The following CDH24 variants were observed in gnomAD, a reference collection of about 807,000 sequenced individuals.
The protein encoded by CDH24 is cadherin-24.
CDH24 carries 61 observed loss-of-function variants against 71.2 expected under a neutral mutation model. The ratio of observed to expected loss-of-function variants is 0.86; its 90% CI spans 0.70 to 1.06. CDH24 has a LOEUF of 1.06. CDH24 is among the 50% of genes least tolerant of loss of function. The pLI, the probability that CDH24 is intolerant of heterozygous loss-of-function variation, is 0.00. For missense variants in CDH24, 961 were observed against 1,083.7 expected (o/e 0.89, Z 1.59); for synonymous variants, 440 against 470.2 (o/e 0.94, Z 0.83).
At chr14:23,053,357 C>G (rs1254489345) in intron 7 of CDH24, 139 bp downstream of exon 7, 1 of 1,075,794 alleles carries the variant, frequency 9.3e-7, no homozygotes, top group Non-Finnish European at 1.3e-6. Flanking sequence ...GGCCTGCAGA[C>G]CAGCAAGCCC....
In CDH24 at chr14:23,048,306, G is replaced by C. The variant is rs754425708; in HGVS notation, c.2020C>G (p.Pro674Ala). 3 of 1,600,774 alleles carry C rather than the reference G, an allele frequency of 1.9e-6. No homozygotes were observed. The highest frequency in any genetic ancestry group is 1.7e-5 in the Admixed American group (1 of 59,154). The change falls in exon 12 of 13, where the codon CCG becomes GCG. Residue 674 changes from proline (P) to alanine (A), a missense_variant. Transcript: ENST00000487137. The stretch of plus-strand genomic sequence containing the variant: ...CGGCGCGCGGGAGGGCCGGGCGCCG[G>C]GGGGGCCGCCCCGTCCGGGTTCTGC... ...ALQNPDGAAP[P>A]APGPPARRDV...
chr14:23,048,736 G>T (rs2047061870), intron 11 of CDH24, among the ~76,000 whole-genome samples: 1 of 152,186 alleles, frequency 6.6e-6, no homozygotes, highest in Non-Finnish European at 1.5e-5. Flanking sequence ...TACTTCTAAG[G>T]GTTGTTGACA....
At position 23,049,172 on chromosome 14, in the gene CDH24, G is replaced by T; in HGVS notation, c.1701C>A (p.Ser567Arg). The T allele has an allele frequency of 6.3e-7, 1 of 1,581,472 alleles. No individual in the cohort carries two copies. The highest frequency in any genetic ancestry group is 8.6e-7 in the Non-Finnish European group (1 of 1,163,612). The change falls in exon 11 of 13, where the codon AGC becomes AGA. Residue 567 changes from serine to arginine, a missense_variant. Transcript: ENST00000487137. Reference protein sequence around the residue: ...ELWDWGQPALSSTATVTVSVC... With the variant: ...ELWDWGQPALRSTATVTVSVC... ...CACTAACAGTCACTGTGGCAGTGCT[G>T]CTCAGCGCCGGCTGCCCCCAGTCCC...
At position 23,047,973 on chromosome 14, in the gene CDH24, C is replaced by G; in HGVS notation, c.*7G>C. ...CCCCCCGCGGTGGGCCGGGCCAGCCCGGGCGCTCAGGGGGCCGGGGGCTCC... is the reference window on the plus strand; with the variant it reads ...CCCCCCGCGGTGGGCCGGGCCAGCCGGGGCGCTCAGGGGGCCGGGGGCTCC... On this transcript the variant is annotated 3_prime_UTR_variant, in exon 12 of 13. Coordinates refer to ENST00000487137, the MANE Select transcript of CDH24 (RefSeq NM_144985.4). 7.5e-7 allele frequency: 1 copy of G among 1,329,396 alleles called. No homozygotes were observed. 82.4% of individuals were successfully genotyped at this position (1,329,396 alleles called of 1,614,324 possible).
At chr14:23,052,696 C>T in intron 7 of CDH24, 87 bp from the exon 8 acceptor site, 1 of 1,369,696 alleles carries the variant, frequency 7.3e-7, no homozygotes, top group East Asian at 2.3e-5. Context: ...CCTCTGTTCA[C>T]CTTGTCAGAC....
chr14:23,054,372 G>A lies in CDH24; in HGVS notation c.785-44C>T. 6.5e-7 allele frequency: 1 copy of A among 1,545,620 alleles called. No individual in the cohort carries two copies. Among genetic ancestry groups the A allele is most frequent in the Non-Finnish European group, 8.7e-7 (1 of 1,143,668 alleles). On this transcript the variant is annotated intron_variant, in intron 5 of 12. Coordinates refer to ENST00000487137, the MANE Select transcript of CDH24 (RefSeq NM_144985.4). The surrounding 1 kb of genome is among the most constrained non-coding windows in gnomAD (Gnocchi z 5.2). ...AGACACCTTCTCAGAGAGGTCCCCA[G>A]CCCTCCTCCCTCCCCACAGCACTTT...
In CDH24 at chr14:23,055,517, G is replaced by C; in HGVS notation, c.201+16C>G. ...GGGCTTGGTGTCAGAGTAGACATGG[G>C]AGGGGTCATCCTTACCTTGCCAATG... is the stretch of plus-strand genomic sequence containing the variant. On this transcript the variant is annotated intron_variant, in intron 2 of 12. Transcript: ENST00000487137. The surrounding 1 kb of genome is among the most constrained non-coding windows in gnomAD (Gnocchi z 4.1). 1 of 1,612,616 alleles carries C rather than the reference G, an allele frequency of 6.2e-7. No individual in the cohort carries two copies.
rs1354217879 is a variant in CDH24 at position 23,051,747 on chromosome 14, G to A, written c.1363+726C>T. Among the ~76,000 whole-genome samples the A allele has an allele frequency of 6.6e-6, 1 of 152,198 alleles. No homozygotes were observed. The highest frequency in any genetic ancestry group is 1.9e-4 in the East Asian group (1 of 5,194). On this transcript the variant is annotated intron_variant, in intron 8 of 12. Transcript: ENST00000487137. The surrounding 1 kb of genome is among the most constrained non-coding windows in gnomAD (Gnocchi z 4.4). Reference sequence around the variant, plus strand: ...CACATTCAGATATCCACATATACAAGGGCAGTTTTCATATGCAGTATGAAG... The same window carrying A: ...CACATTCAGATATCCACATATACAAAGGCAGTTTTCATATGCAGTATGAAG...
intron 7 of CDH24, among the ~76,000 whole-genome samples, chr14:23,053,283 C>G (rs74920382): frequency 6.4e-4 from 98 of 152,328 alleles, no homozygotes; most frequent in African/African-American, 2.3e-3. Context: ...ATCATCTACC[C>G]AGAGGGGTGG....
intron 8 of CDH24, chr14:23,052,130 G>T: frequency 9.3e-7 from 1 of 1,073,196 alleles, no homozygotes; most frequent in East Asian, 2.6e-5. Flanking sequence ...ACACAGGTTG[G>T]GGGCTATGTA....
chr14:23,049,415 A>G, intron 10 of CDH24, 140 bp from the exon 11 acceptor site: 1 of 848,562 alleles, frequency 1.2e-6, no homozygotes, highest in Non-Finnish European at 1.8e-6. Flanking sequence ...CCAGCTTCCC[A>G]TAGAGCCAGC....
rs1265201374 is a variant in CDH24 at position 23,048,328 on chromosome 14, C to G, written c.1998G>C (p.Gln666His). The G allele has an allele frequency of 6.2e-7, 1 of 1,610,682 alleles. No homozygotes were observed. The highest frequency in any genetic ancestry group is 8.5e-7 in the Non-Finnish European group (1 of 1,179,122). ...CCGGGGGGGCCGCCCCGTCCGGGTT[C>G]TGCAAGGCCGTGATGTCGAAGGCCT... ...DTEAFDITAL[Q>H]NPDGAAPPAP... The change falls in exon 12 of 13, where the codon CAG (glutamine) becomes CAC (histidine). Residue 666 changes from glutamine to histidine, a missense_variant. By Grantham distance (24) the Gln-to-His change is conservative. Around this residue, in one of 2 missense-constraint regions of CDH24, gnomAD observed 290 missense variants for 272.8 expected, o/e 1.06. Transcript: ENST00000487137.
At chr14:23,056,841 G>A (rs910820198) in intron 1 of CDH24, among the ~76,000 whole-genome samples, 4 of 152,008 alleles carry the variant, frequency 2.6e-5, no homozygotes, top group Non-Finnish European at 4.4e-5. Context: ...TCCTAGGGGC[G>A]GGGGGGAGGA....
At chr14:23,056,892 G>A (rs1319940464) in intron 1 of CDH24, among the ~76,000 whole-genome samples, 2 of 152,090 alleles carry the variant, frequency 1.3e-5, no homozygotes, top group Admixed American at 1.3e-4. Context: ...CTCCCTCAGA[G>A]CAGACACACA....
rs748903629 is a variant in CDH24 at position 23,055,381 on chromosome 14, G to A, written c.202-28C>T. The stretch of plus-strand genomic sequence containing the variant: ...GCAGGGGTCACGAAAAGATGGCAGA[G>A]GGCTCCAAGTACAGAGACAGGGTTA... On this transcript the variant is annotated intron_variant, in intron 2 of 12. Transcript: ENST00000487137. This position sits in a 1 kb window ranked among gnomAD's most constrained non-coding sequence, Gnocchi z 4.1. 3.1e-6 allele frequency: 5 copies of A among 1,598,536 alleles called. No individual in the cohort carries two copies. The highest frequency in any genetic ancestry group is 4.3e-6 in the Non-Finnish European group (5 of 1,168,168).
In CDH24 at chr14:23,051,790, C is replaced by T. The variant is rs1056586250; in HGVS notation, c.1363+683G>A. On this transcript the variant is annotated intron_variant, in intron 8 of 12. Coordinates refer to ENST00000487137, the MANE Select transcript of CDH24 (RefSeq NM_144985.4). The surrounding 1 kb of genome is among the most constrained non-coding windows in gnomAD (Gnocchi z 4.4). The stretch of plus-strand genomic sequence containing the variant: ...GTATGAAGACAAAAGGGTGGAGGAG[C>T]CCCTGAGGCATAAGCAGGGGTATAA... Among the ~76,000 whole-genome samples the T allele has an allele frequency of 2.6e-5, 4 of 152,188 alleles. No individual in the cohort carries two copies. Among genetic ancestry groups the T allele is most frequent in the African/African-American group, 9.7e-5 (4 of 41,436 alleles).
rs1453441715 is a variant in CDH24 at position 23,054,548 on chromosome 14, TGACA to T, written c.738_741del (p.Val247ArgfsTer46). On this transcript the variant is annotated frameshift_variant, in exon 5 of 13. Coordinates refer to ENST00000487137, the MANE Select transcript of CDH24 (RefSeq NM_144985.4). LOFTEE classifies it high-confidence loss of function. The surrounding 1 kb of genome is among the most constrained non-coding windows in gnomAD (Gnocchi z 5.2). ...GGGTTGTCGTTGACATCGCTGAGCGTGACAGTCACCGTAGTGCTGCCTGACAGCC... is the reference window on the plus strand; with the variant it reads ...GGGTTGTCGTTGACATCGCTGAGCGTGTCACCGTAGTGCTGCCTGACAGCC... 2 of 1,613,886 alleles carry T rather than the reference TGACA, an allele frequency of 1.2e-6. No homozygotes were observed. Among genetic ancestry groups the T allele is most frequent in the Non-Finnish European group, 1.7e-6 (2 of 1,179,970 alleles).
rs199792016 is a variant in CDH24 at position 23,054,145 on chromosome 14, C to A, written c.968G>T (p.Arg323Leu). Reference sequence around the variant, plus strand: ...ATTAACAGGCAGGAGGCTAACCTTGCGGACAGTGAGGAGCCCGTCTCGACC... The same window carrying A: ...ATTAACAGGCAGGAGGCTAACCTTGAGGACAGTGAGGAGCCCGTCTCGACC... ...LQGRDGLLTV[R>L]KPLDFESQRS... The change falls in exon 6 of 13, where the codon CGC becomes CTC. Residue 323 changes from arginine to leucine, a missense_variant. By Grantham distance (102) the Arg-to-Leu change is moderately radical. Around this residue, in one of 2 missense-constraint regions of CDH24, gnomAD observed 671 missense variants for 810.9 expected, o/e 0.83. Coordinates refer to ENST00000487137, the MANE Select transcript of CDH24 (RefSeq NM_144985.4). The surrounding 1 kb of genome is among the most constrained non-coding windows in gnomAD (Gnocchi z 5.2). 3 of 1,593,342 alleles carry A rather than the reference C, an allele frequency of 1.9e-6. No individual in the cohort carries two copies. In the East Asian group the frequency reaches 6.7e-5, roughly 36 times the overall value.
rs763553316 is a variant in CDH24, at chr14:23,048,485, C to T, written c.1847-6G>A. The T allele has an allele frequency of 1.9e-6, 3 of 1,603,010 alleles. No individual in the cohort carries two copies. The highest frequency in any genetic ancestry group is 1.7e-6 in the Non-Finnish European group (2 of 1,178,932). On this transcript the variant is annotated splice_region_variant and splice_polypyrimidine_tract_variant and intron_variant, in intron 11 of 12. Transcript: ENST00000487137. ...CACGAAGAGCACCACCAGGGCTGCG[C>T]GAGAGGCGCGCACACAGGCCCTGAG...
Sources: gnomAD v4.1 joint callset for allele counts (sites outside exome capture counted in the v4.1 genomes callset) on GRCh38, gnomAD v4.1.1 for gene constraint, gnomAD v4.1.1 regional missense constraint, Gnocchi (gnomAD v3.1) non-coding constraint, MANE v1.5 for transcripts, NCBI Gene and HGNC (gene_info 2026-07-23, HGNC 2026-07-21) for gene names.